Variants in EDA observed in about 807,000 individuals in gnomAD.
EDA encodes the protein ectodysplasin-A.
EDA carries 2 observed loss-of-function variants against 23.6 expected under a neutral mutation model. The ratio of observed to expected loss-of-function variants is 0.08; its 90% CI spans 0.03 to 0.27. The LOEUF is 0.27. EDA is among the 10% of genes least tolerant of loss of function. EDA has a pLI of 1.00. For missense variants in EDA, 229 were observed against 324.2 expected (o/e 0.71, Z 2.26); for synonymous variants, 131 against 132.0 (o/e 0.99, Z 0.05).
chrX:69,943,668 C>T (rs887614844), intron 1 of EDA, among the ~76,000 whole-genome samples: 15 of 110,639 alleles, frequency 1.4e-4, no homozygotes, highest in Admixed American at 1.4e-3. Flanking sequence ...GTGGTAACCA[C>T]TGCCTGGCTA....
chrX:69,906,632 G>A (rs1758323058), intron 1 of EDA, among the ~76,000 whole-genome samples: 1 of 111,388 alleles, frequency 9.0e-6, no homozygotes, highest in South Asian at 3.7e-4. Flanking sequence ...GTTCCCTCCT[G>A]AGAGCTAGGA....
At chrX:69,806,475 C>T (rs900825062) in intron 1 of EDA, among the ~76,000 whole-genome samples, 12 of 110,706 alleles carry the variant, frequency 1.1e-4, no homozygotes, top group Non-Finnish European at 2.3e-4. Context: ...TTGTTGGGTA[C>T]TTAAAATATG....
At chrX:69,667,119 CTTTTTTT>C (rs35090201) in intron 1 of EDA, among the ~76,000 whole-genome samples, 5 of 86,425 alleles carry the variant, frequency 5.8e-5, no homozygotes, top group African/African-American at 9.2e-5. Context: ...TTTTCTTTTT[CTTTTTTT>C]TTTTTTTTTG....
intron 1 of EDA, among the ~76,000 whole-genome samples, chrX:69,748,955 T>G (rs1042151258): frequency 9.1e-6 from 1 of 110,194 alleles, no homozygotes; most frequent in East Asian, 2.9e-4. Flanking sequence ...TTTTTAATTA[T>G]ACTTTAAGTT....
chrX:69,647,874 G>T (rs910936736), intron 1 of EDA, among the ~76,000 whole-genome samples: 1 of 111,387 alleles, frequency 9.0e-6, no homozygotes, highest in African/African-American at 3.3e-5. Context: ...GATTTTTGTG[G>T]GGTTTTTTGT....
intron 1 of EDA, among the ~76,000 whole-genome samples, chrX:69,622,639 C>A (rs968780987): frequency 1.1e-4 from 12 of 111,759 alleles, no homozygotes; most frequent in Non-Finnish European, 1.9e-4. Context: ...TAAGCCATTC[C>A]CAAATCTGTG....
intron 6 of EDA, among the ~76,000 whole-genome samples, chrX:70,031,343 A>G (rs760132211): frequency 8.9e-6 from 1 of 112,212 alleles, no homozygotes; most frequent in East Asian, 2.8e-4. Flanking sequence ...AGTGATATGT[A>G]TGTACACTCC....
At chrX:69,698,603 G>A (rs1353572749) in intron 1 of EDA, among the ~76,000 whole-genome samples, 6 of 111,544 alleles carry the variant, frequency 5.4e-5, no homozygotes. Flanking sequence ...ATTTCAAAGG[G>A]ACTATAAAAA....
chrX:69,782,619 G>A (rs749024206), intron 1 of EDA, among the ~76,000 whole-genome samples: 7 of 111,384 alleles, frequency 6.3e-5, no homozygotes, highest in Non-Finnish European at 1.3e-4. Flanking sequence ...GTTCATCGAA[G>A]TGTCTCAGTG....
chrX:69,736,748 G>C (rs1299097303), intron 1 of EDA, among the ~76,000 whole-genome samples: 4 of 102,706 alleles, frequency 3.9e-5, no homozygotes, highest in Admixed American at 1.1e-4. Flanking sequence ...CAGGAGGAGA[G>C]ATAGGTTGTA....
At chrX:69,979,509 C>T (rs1267625245) in intron 2 of EDA, among the ~76,000 whole-genome samples, 1 of 111,865 alleles carries the variant, frequency 8.9e-6, no homozygotes, top group Non-Finnish European at 1.9e-5. Context: ...ATAATCCCAC[C>T]AGTAGCAGAT....
At chrX:69,839,180 T>C (rs749490200) in intron 1 of EDA, among the ~76,000 whole-genome samples, 12 of 112,059 alleles carry the variant, frequency 1.1e-4, no homozygotes, top group Non-Finnish European at 2.3e-4. Flanking sequence ...TTATAGAGAT[T>C]AGGTCCAAAT....
At chrX:69,723,774 G>T (rs1177429665) in intron 1 of EDA, among the ~76,000 whole-genome samples, 3 of 111,671 alleles carry the variant, frequency 2.7e-5, no homozygotes, top group Non-Finnish European at 5.6e-5. Context: ...GCTGTAGTTT[G>T]GTTACTTCTG....
At chrX:69,814,565 G>A (rs1213624405) in intron 1 of EDA, among the ~76,000 whole-genome samples, 3 of 112,621 alleles carry the variant, frequency 2.7e-5, no homozygotes, top group African/African-American at 6.4e-5. Context: ...CAAGATGGTC[G>A]ATTAGAAGCA....
intron 1 of EDA, among the ~76,000 whole-genome samples, chrX:69,776,458 C>T (rs2014787635): frequency 9.0e-6 from 1 of 111,605 alleles, no homozygotes; most frequent in Admixed American, 9.6e-5. Context: ...CCTGAACAAG[C>T]TGTCTTGCCT....
chrX:69,697,385 A>G (rs1473680471), intron 1 of EDA, among the ~76,000 whole-genome samples: 1 of 111,148 alleles, frequency 9.0e-6, no homozygotes, highest in Non-Finnish European at 1.9e-5. Context: ...GGAGTTATTC[A>G]TTCCGTTAAG....
intron 1 of EDA, among the ~76,000 whole-genome samples, chrX:69,761,770 T>G (rs189111019): frequency 2.7e-5 from 3 of 111,991 alleles, no homozygotes; most frequent in African/African-American, 9.7e-5. Context: ...TTTTTATACT[T>G]CTTTAATCTC....
At chrX:69,922,707 C>T (rs750190761) in intron 1 of EDA, among the ~76,000 whole-genome samples, 186 of 111,591 alleles carry the variant, frequency 1.7e-3, no homozygotes, top group Non-Finnish European at 3.0e-3. Flanking sequence ...CAGGCTGCTA[C>T]CTTTTTATAA....
intron 1 of EDA, among the ~76,000 whole-genome samples, chrX:69,879,965 GACA>G (rs746803696): frequency 6.2e-5 from 7 of 112,376 alleles, no homozygotes; most frequent in African/African-American, 2.3e-4. Flanking sequence ...GTAGTAGTAG[GACA>G]ACAAGTTGTT....
Sources: allele counts gnomAD v4.1 joint callset (sites outside exome capture counted in the v4.1 genomes callset), GRCh38; gene constraint gnomAD v4.1.1; transcripts MANE v1.5; gene names NCBI Gene and HGNC (gene_info 2026-07-23, HGNC 2026-07-21).